DBNDD1: variants seen among roughly 807,000 people sequenced by gnomAD.
DBNDD1 encodes dysbindin domain containing 1.
A neutral mutation model predicts 17.0 loss-of-function variants in DBNDD1; 14 were observed. The observed-to-expected ratio is 0.82, with a 90% CI of 0.54 to 1.29. The LOEUF (loss-of-function observed/expected upper bound fraction) is 1.29, where lower values mean the gene tolerates loss of function less well. DBNDD1 is among the 50% of genes most tolerant of loss of function. The pLI is 0.00. For missense variants in DBNDD1, 221 were observed against 216.2 expected (o/e 1.02, Z -0.14); for synonymous variants, 105 against 102.0 (o/e 1.03, Z -0.18).
rs1485969156 is a variant in DBNDD1, at chr16:90,006,910, AGCCTCTGCCCCATCATGGGCCTTGTGT to A, written c.320-445_320-419del. On this transcript the variant is annotated intron_variant, in intron 3 of 3. Coordinates refer to ENST00000002501, the MANE Select transcript of DBNDD1 (RefSeq NM_001042610.3). ...GCCTTGTGTGTCCCCGGCCTCTTGG[AGCCTCTGCCCCATCATGGGCCTTGTGT>A]GTCCCCGGCCTCTTGGAGCCTCTGC... 28 of 172,314 alleles carry A rather than the reference AGCCTCTGCCCCATCATGGGCCTTGTGT, an allele frequency of 1.6e-4. 1 individual carries two copies. Among genetic ancestry groups the A allele is most frequent in the African/African-American group, 4.3e-4 (18 of 41,462 alleles). 10.7% of individuals were successfully genotyped at this position (172,314 alleles called of 1,614,324 possible). A position where few individuals can be genotyped will look rare whatever the true frequency, so the allele number is the denominator to read the frequency against.
At chr16:90,009,201 CAGG>C in intron 2 of DBNDD1, 80 bp downstream of exon 2, 2 of 1,567,220 alleles carry the variant, frequency 1.3e-6, no homozygotes, top group Non-Finnish European at 1.7e-6. Context: ...AGTGTTTGGA[CAGG>C]AGGTGGACCC....
At chr16:90,010,438 G>C (rs11644618) in intron 1 of DBNDD1, among the ~76,000 whole-genome samples, 61,726 of 148,046 alleles carry the variant, frequency 0.42, 15,349 homozygotes, top group Middle Eastern at 0.59. Context: ...CGCGATCTCG[G>C]CTCATTGCAG....
chr16:90,015,895 T>G (rs1441748320), intron 1 of DBNDD1, among the ~76,000 whole-genome samples: 1 of 151,616 alleles, frequency 6.6e-6, no homozygotes, highest in East Asian at 1.9e-4. Context: ...TCTGGGGGGG[T>G]AATGAAGATA....
intron 1 of DBNDD1, among the ~76,000 whole-genome samples, chr16:90,013,262 T>TAAAAAGAAAAAAAAAA (rs2035586508): frequency 2.0e-5 from 1 of 49,182 alleles, no homozygotes; most frequent in Non-Finnish European, 4.4e-5. Context: ...AACCTTGCCT[T>TAAAAAGAAAAAAAAAA]AAAAAAAAAA....
chr16:90,015,537 G>A (rs749186786), intron 1 of DBNDD1, among the ~76,000 whole-genome samples: 22 of 152,192 alleles, frequency 1.4e-4, no homozygotes, highest in Admixed American at 2.0e-4. Context: ...AACACTTAAC[G>A]TTGTTCAAGA....
chr16:90,014,179 G>T (rs1037265384), intron 1 of DBNDD1, among the ~76,000 whole-genome samples: 9 of 151,730 alleles, frequency 5.9e-5, no homozygotes, highest in African/African-American at 9.7e-5. Flanking sequence ...CAGGCTGGAG[G>T]GCAATGGCGC....
intron 1 of DBNDD1, among the ~76,000 whole-genome samples, chr16:90,013,930 C>T (rs11076655): frequency 0.66 from 71,298 of 107,596 alleles, 20,809 homozygotes; most frequent in Middle Eastern, 0.77. Flanking sequence ...CTGGGTGGGG[C>T]GGGGGGGGAC....
chr16:90,006,107 C>A lies in DBNDD1; in HGVS notation c.*228G>T. ...GGCTCCCAGAGGCATCCGGGGGCCC[C>A]GTGTGTCCCCCAGGAAAGCCGGCTG... On this transcript the variant is annotated 3_prime_UTR_variant, in exon 4 of 4. Coordinates refer to ENST00000002501, the MANE Select transcript of DBNDD1 (RefSeq NM_001042610.3). The A allele has an allele frequency of 1.6e-6, 1 of 614,862 alleles. No individual in the cohort carries two copies. The highest frequency in any genetic ancestry group is 2.7e-6 in the Non-Finnish European group (1 of 373,180). 38.1% of individuals were successfully genotyped at this position (614,862 alleles called of 1,614,324 possible).
chr16:90,009,330 G>T lies in DBNDD1; in HGVS notation c.132C>A (p.Gly44=). The stretch of plus-strand genomic sequence containing the variant: ...GGAGCCCCGGTGCTGGTACTGGGAT[G>T]CCCCCGACCTCCTCCTCCACAGGCG... ...GHTPVEEEVG[G]IPVPAPGLLQ... Residue 44 remains glycine, a synonymous_variant, in exon 2 of 4, where the codon GGC becomes GGA. Coordinates refer to ENST00000002501, the MANE Select transcript of DBNDD1 (RefSeq NM_001042610.3). 1 of 1,613,512 alleles carries T rather than the reference G, an allele frequency of 6.2e-7. No homozygotes were observed. The highest frequency in any genetic ancestry group is 8.5e-7 in the Non-Finnish European group (1 of 1,179,988).
chr16:90,006,471 G>GC lies in DBNDD1; in HGVS notation c.340dup (p.Ala114GlyfsTer15). The GC allele has an allele frequency of 4.4e-6, 7 of 1,599,080 alleles. No individual in the cohort carries two copies. Among genetic ancestry groups the GC allele is most frequent in the Non-Finnish European group, 5.9e-6 (7 of 1,179,714 alleles). On this transcript the variant is annotated frameshift_variant, in exon 4 of 4. Transcript: ENST00000002501. LOFTEE classifies it high-confidence loss of function. ...CCAGGAAGGGGAGCGCAGGTAGCCG[G>GC]CCCGGGGCAGCGGGTGCAGACCTAG...
chr16:90,008,178 CCCACACCTCCCA>C (rs1567832429), intron 3 of DBNDD1, among the ~76,000 whole-genome samples: 5 of 46,450 alleles, frequency 1.1e-4, no homozygotes, highest in African/African-American at 3.5e-4. Flanking sequence ...CAGCCCACCA[CCCACACCTCCCA>C]GGATGTCCCA....
Position 90,005,132 on chromosome 16 carries a change from A to T in DBNDD1, c.*1203T>A, listed in dbSNP as rs2151257654. On this transcript the variant is annotated 3_prime_UTR_variant, in exon 4 of 4. Transcript: ENST00000002501. ...GGGTGGCTCAGAAGTGGGAGCAGGT[A>T]CACAGAAGGAGCTCAGGGCATGCCT... 6.6e-6 allele frequency: 1 copy of T among 152,554 alleles called. No homozygotes were observed. The highest frequency in any genetic ancestry group is 1.5e-5 in the Non-Finnish European group (1 of 68,118). 9.5% of individuals were successfully genotyped at this position (152,554 alleles called of 1,614,324 possible). A position where few individuals can be genotyped will look rare whatever the true frequency, so the allele number is the denominator to read the frequency against.
intron 3 of DBNDD1, chr16:90,007,747 C>T (rs1318554956): frequency 1.3e-5 from 2 of 152,384 alleles, no homozygotes; most frequent in Non-Finnish European, 2.9e-5. Flanking sequence ...GTCTGTTGCT[C>T]ACTTGAAAAG....
chr16:90,017,481 C>T (rs991652085), intron 1 of DBNDD1, among the ~76,000 whole-genome samples: 4 of 143,146 alleles, frequency 2.8e-5, no homozygotes, highest in East Asian at 2.3e-4. Flanking sequence ...GGCAACAGAG[C>T]GAGACTCCGT....
At chr16:90,015,919 T>C (rs1253417330) in intron 1 of DBNDD1, among the ~76,000 whole-genome samples, 3 of 152,084 alleles carry the variant, frequency 2.0e-5, no homozygotes, top group East Asian at 1.9e-4. Context: ...TAAAATTAGA[T>C]AGTGGTGGTG....
intron 1 of DBNDD1, among the ~76,000 whole-genome samples, chr16:90,014,415 G>A (rs918769084): frequency 2.0e-5 from 3 of 152,024 alleles, no homozygotes; most frequent in Non-Finnish European, 4.4e-5. Context: ...GTGAGCCACC[G>A]TGCCGGGCCA....
In DBNDD1 at chr16:90,006,235, C is replaced by T; in HGVS notation, c.*100G>A. The stretch of plus-strand genomic sequence containing the variant: ...TGTGTCAGGAGGTGACGGCTGGAGC[C>T]TCGTGGGCGGGTGAAGTGTGTCTGC... On this transcript the variant is annotated 3_prime_UTR_variant, in exon 4 of 4. Transcript: ENST00000002501. 3 of 1,446,178 alleles carry T rather than the reference C, an allele frequency of 2.1e-6. No individual in the cohort carries two copies. In the Admixed American group the frequency reaches 6.6e-5, roughly 32 times the overall value. 89.6% of individuals were successfully genotyped at this position (1,446,178 alleles called of 1,614,324 possible). A position where few individuals can be genotyped will look rare whatever the true frequency, so the allele number is the denominator to read the frequency against.
At chr16:90,011,802 G>A (rs1597581184) in intron 1 of DBNDD1, 6 of 386,166 alleles carry the variant, frequency 1.6e-5, no homozygotes, top group Non-Finnish European at 2.6e-5. Flanking sequence ...CAGGGGACAG[G>A]GGGTGAGATG....
chr16:90,006,850 C>T (rs1382542178), intron 3 of DBNDD1: 3 of 223,678 alleles, frequency 1.3e-5, no homozygotes, highest in Non-Finnish European at 2.8e-5. Context: ...CTCCATGAGC[C>T]CTGCAGGCCT....
Sources: gnomAD v4.1 joint callset for allele counts (sites outside exome capture counted in the v4.1 genomes callset) on GRCh38, gnomAD v4.1.1 for gene constraint, MANE v1.5 for transcripts, NCBI Gene and HGNC (gene_info 2026-07-23, HGNC 2026-07-21) for gene names.